The following FBN1 variants were observed in gnomAD, a reference collection of about 807,000 sequenced individuals.
FBN1 encodes the protein fibrillin 1.
FBN1 carries 29 observed loss-of-function variants against 365.1 expected under a neutral mutation model. That is an observed-to-expected ratio of 0.08 (90% CI 0.06 to 0.11). FBN1 has a LOEUF of 0.11. Among genes scored for constraint, FBN1 ranks in the 10% least tolerant of loss-of-function variants. The pLI is 1.00. For missense variants in FBN1, 2,476 were observed against 3,703.2 expected, an observed-to-expected ratio of 0.67 and a Z score of 8.60; for synonymous variants, 1,210 against 1,270.5, an observed-to-expected ratio of 0.95 and a Z score of 1.01.
At chr15:48,612,955 C>A (rs1240696129) in intron 3 of FBN1, 55 bp downstream of exon 3, 2 of 1,314,804 alleles carry the variant, frequency 1.5e-6, no homozygotes, top group East Asian at 2.3e-5. Context: ...GCTCCCCATG[C>A]AACCAACACA....
At chr15:48,431,717 T>C (rs1280870657) in intron 55 of FBN1, among the ~76,000 whole-genome samples, 3 of 152,054 alleles carry the variant, frequency 2.0e-5, no homozygotes, top group Non-Finnish European at 4.4e-5. Context: ...TGCAGTGGCA[T>C]GATCTCAGCT....
intron 50 of FBN1, among the ~76,000 whole-genome samples, chr15:48,441,282 T>C (rs896743858): frequency 1.3e-5 from 2 of 152,240 alleles, no homozygotes; most frequent in Non-Finnish European, 2.9e-5. Flanking sequence ...GAATTTGTGA[T>C]ATAAGGGATG....
chr15:48,562,845 G>A (rs945841371), intron 6 of FBN1, among the ~76,000 whole-genome samples: 1 of 152,140 alleles, frequency 6.6e-6, no homozygotes, highest in African/African-American at 2.4e-5. Flanking sequence ...TTTATGTATT[G>A]TTTTAATCAA....
chr15:48,532,963 A>G (rs2043985830), intron 8 of FBN1, among the ~76,000 whole-genome samples: 1 of 152,230 alleles, frequency 6.6e-6, no homozygotes, highest in Admixed American at 6.5e-5. Context: ...AAACAATTCC[A>G]ACTCATAAAG....
intron 7 of FBN1, 28 bp downstream of exon 7, chr15:48,537,583 A>G: frequency 6.2e-7 from 1 of 1,613,488 alleles, no homozygotes; most frequent in Non-Finnish European, 8.5e-7. Flanking sequence ...AGATTAATCC[A>G]TTAATAATTC....
rs868568288 is a variant in FBN1 at position 48,590,921 on chromosome 15, G to A, written c.538+5362C>T. On this transcript the variant is annotated intron_variant, in intron 6 of 65. Transcript: ENST00000316623. ...TTAAGTTGGCAGAAATCCAAGTATT[G>A]TCTTCACAGTTTAGACTTGGGTAGG... is the stretch of plus-strand genomic sequence containing the variant. Among the ~76,000 whole-genome samples, 11 of 152,278 alleles carry A rather than the reference G, an allele frequency of 7.2e-5. No individual in the cohort carries two copies. In the South Asian group the frequency reaches 1.9e-3, roughly 26 times the overall value.
intron 6 of FBN1, among the ~76,000 whole-genome samples, chr15:48,586,014 C>T (rs1446326462): frequency 1.3e-5 from 2 of 152,118 alleles, no homozygotes; most frequent in Non-Finnish European, 2.9e-5. Flanking sequence ...ACACAAAAAT[C>T]AATAAATGCA....
intron 23 of FBN1, 127 bp from the exon 24 acceptor site, chr15:48,492,713 A>G: frequency 1.3e-6 from 1 of 783,000 alleles, no homozygotes; most frequent in African/African-American, 1.7e-5. Context: ...TTTGCCTACA[A>G]GTAGTTTGTG....
intron 6 of FBN1, among the ~76,000 whole-genome samples, chr15:48,555,297 T>A (rs917937377): frequency 3.3e-5 from 5 of 152,174 alleles, no homozygotes; most frequent in Non-Finnish European, 7.3e-5. Flanking sequence ...CAGCATGAGC[T>A]TCTAACGCTC....
chr15:48,577,775 C>A (rs1002846098), intron 6 of FBN1, among the ~76,000 whole-genome samples: 2 of 152,106 alleles, frequency 1.3e-5, no homozygotes, highest in Non-Finnish European at 2.9e-5. Context: ...CCATAATGCA[C>A]GAATTAATGT....
intron 6 of FBN1, among the ~76,000 whole-genome samples, chr15:48,542,210 C>G (rs1453832421): frequency 6.6e-6 from 1 of 152,224 alleles, no homozygotes; most frequent in Non-Finnish European, 1.5e-5. Flanking sequence ...CACCCCGAAG[C>G]AAATGCATCG....
intron 36 of FBN1, among the ~76,000 whole-genome samples, chr15:48,469,219 G>A (rs991897161): frequency 7.4e-6 from 1 of 135,526 alleles, no homozygotes; most frequent in Non-Finnish European, 1.6e-5. Flanking sequence ...TGTGACCTCG[G>A]TCAACCAAAA....
intron 5 of FBN1, among the ~76,000 whole-genome samples, chr15:48,599,206 A>C (rs990650261): frequency 6.6e-6 from 1 of 152,188 alleles, no homozygotes; most frequent in Non-Finnish European, 1.5e-5. Flanking sequence ...TATTAATCCT[A>C]ATAAATATAT....
At chr15:48,452,784 G>T in intron 44 of FBN1, 100 bp from the exon 45 acceptor site, 2 of 1,376,016 alleles carry the variant, frequency 1.5e-6, no homozygotes, top group Non-Finnish European at 2.0e-6. Context: ...ATTTTGATCT[G>T]TTCTATTGAA....
chr15:48,455,862 G>C (rs1420144031), intron 44 of FBN1, among the ~76,000 whole-genome samples: 2 of 151,960 alleles, frequency 1.3e-5, no homozygotes, highest in Admixed American at 1.3e-4. Context: ...TTAAAATGTT[G>C]ACATATGTGC....
chr15:48,578,034 T>C (rs1244626556), intron 6 of FBN1, among the ~76,000 whole-genome samples: 1 of 152,112 alleles, frequency 6.6e-6, no homozygotes, highest in East Asian at 1.9e-4. Flanking sequence ...ATCGTTTACA[T>C]GCAATCTACA....
At chr15:48,532,522 G>GTGTGTGTGTGTGTGTA (rs1474842861) in intron 8 of FBN1, among the ~76,000 whole-genome samples, 1 of 151,738 alleles carries the variant, frequency 6.6e-6, no homozygotes, top group East Asian at 1.9e-4. Flanking sequence ...GTGTGTGTGT[G>GTGTGTGTGTGTGTGTA]TATATGGCCC....
rs748716804 is a variant in FBN1 at position 48,487,122 on chromosome 15, G to A, written c.3542C>T (p.Ala1181Val). 6.2e-7 allele frequency: 1 copy of A among 1,614,072 alleles called. No individual in the cohort carries two copies. The highest frequency in any genetic ancestry group is 1.7e-5 in the Admixed American group (1 of 60,000). ...AGTTGAATGGTAGCCAGGGTTGCAG[G>A]CACACTGATACTTCCCTATGAGGTT... Reference protein sequence around the residue: ...CVNLIGKYQCACNPGYHSTPD... With the variant: ...CVNLIGKYQCVCNPGYHSTPD... The change falls in exon 29 of 66, where the codon GCC (alanine) becomes GTC (valine). Residue 1181 changes from alanine to valine, a missense_variant. Physicochemically the swap from Ala to Val is moderately conservative, Grantham distance 64. This residue lies in a region of FBN1 where 1,780 missense variants were observed against 2,840.8 expected (regional missense o/e 0.63). Transcript: ENST00000316623.
chr15:48,431,075 C>T (rs2043019807), intron 55 of FBN1, among the ~76,000 whole-genome samples: 1 of 151,798 alleles, frequency 6.6e-6, no homozygotes, highest in African/African-American at 2.4e-5. Context: ...CTTCTCCTTC[C>T]CTTATTTTTT....
Sources: allele counts gnomAD v4.1 joint callset (sites outside exome capture counted in the v4.1 genomes callset), GRCh38; gene constraint gnomAD v4.1.1; regional missense constraint gnomAD v4.1.1; transcripts MANE v1.5; gene names NCBI Gene and HGNC (gene_info 2026-07-23, HGNC 2026-07-21).